The following BMPR1B variants were observed in gnomAD, a reference collection of about 807,000 sequenced individuals.
BMPR1B encodes bone morphogenetic protein receptor type-1B.
In BMPR1B, 12 loss-of-function variants were observed where a neutral mutation model predicts 59.1. The observed-to-expected ratio is 0.20, with a 90% CI of 0.13 to 0.33. The LOEUF is 0.33. Ranked by LOEUF, BMPR1B falls within the 10% of genes least tolerant of loss-of-function variation. BMPR1B has a pLI of 1.00. For missense variants in BMPR1B, 550 were observed against 610.9 expected (o/e 0.90, Z 1.05); for synonymous variants, 237 against 207.3 (o/e 1.14, Z -1.23).
intron 2 of BMPR1B, among the ~76,000 whole-genome samples, chr4:94,878,581 C>A (rs1726829724): frequency 6.6e-6 from 1 of 152,072 alleles, no homozygotes; most frequent in Admixed American, 6.6e-5. Flanking sequence ...GAAAACAGGC[C>A]CATTTCAAAG....
intron 2 of BMPR1B, among the ~76,000 whole-genome samples, chr4:94,933,220 AT>A (rs994228619): frequency 6.6e-5 from 10 of 151,900 alleles, no homozygotes; most frequent in African/African-American, 2.4e-4. Context: ...TAATCTAGGG[AT>A]TTTATGTCCT....
chr4:95,068,287 C>G (rs1579022918), intron 3 of BMPR1B, among the ~76,000 whole-genome samples: 1 of 152,132 alleles, frequency 6.6e-6, no homozygotes, highest in Admixed American at 6.5e-5. Context: ...TAAGACAAAA[C>G]TATATTATGC....
At chr4:95,012,467 T>G (rs1723292097) in intron 3 of BMPR1B, among the ~76,000 whole-genome samples, 1 of 152,208 alleles carries the variant, frequency 6.6e-6, no homozygotes, top group South Asian at 2.1e-4. Flanking sequence ...TATTTCAATA[T>G]GTTGTAATTA....
At chr4:95,026,103 T>TTTCTTTCCTTCTTTCTTTCG in intron 3 of BMPR1B, among the ~76,000 whole-genome samples, 1 of 124,698 alleles carries the variant, frequency 8.0e-6, no homozygotes, top group Non-Finnish European at 1.7e-5. Context: ...CTTTCATTTC[T>TTTCTTTCCTTCTTTCTTTCG]TTCTTTCTTT....
At chr4:94,772,085 C>G (rs1023143282) in intron 1 of BMPR1B, among the ~76,000 whole-genome samples, 1 of 152,192 alleles carries the variant, frequency 6.6e-6, no homozygotes, top group Non-Finnish European at 1.5e-5. Context: ...AGGTCATCAT[C>G]TGTAATAGAG....
At chr4:94,902,247 CACAGAGAGAGAGAGAG>C (rs1158034751) in intron 2 of BMPR1B, among the ~76,000 whole-genome samples, 79 of 84,766 alleles carry the variant, frequency 9.3e-4, no homozygotes, top group Non-Finnish European at 1.3e-3. Context: ...CACACACACA[CACAGAGAGAGAGAGAG>C]AGAGAGAGAG....
At chr4:94,873,556 G>A (rs1247038965) in intron 1 of BMPR1B, among the ~76,000 whole-genome samples, 4 of 151,876 alleles carry the variant, frequency 2.6e-5, no homozygotes, top group East Asian at 1.9e-4. Context: ...ACAGGCGTGC[G>A]CCACCATGCC....
intron 1 of BMPR1B, among the ~76,000 whole-genome samples, chr4:94,760,199 T>G (rs1721706459): frequency 6.6e-6 from 1 of 152,210 alleles, no homozygotes; most frequent in African/African-American, 2.4e-5. Context: ...TTATAGGGGC[T>G]TTGCCACCTT....
At chr4:95,144,960 T>C (rs1032845675) in intron 10 of BMPR1B, among the ~76,000 whole-genome samples, 1 of 152,200 alleles carries the variant, frequency 6.6e-6, no homozygotes, top group Non-Finnish European at 1.5e-5. Flanking sequence ...ATCCTTGAAA[T>C]GTACATTTTC....
At chr4:94,793,221 T>C (rs1173414518) in intron 1 of BMPR1B, among the ~76,000 whole-genome samples, 1 of 150,678 alleles carries the variant, frequency 6.6e-6, no homozygotes, top group Non-Finnish European at 1.5e-5. Context: ...CCTGTGTCCA[T>C]GTGATCTCAT....
intron 1 of BMPR1B, among the ~76,000 whole-genome samples, chr4:94,802,255 C>T (rs540821717): frequency 3.3e-5 from 5 of 152,218 alleles, no homozygotes; most frequent in African/African-American, 4.8e-5. Context: ...AGGAGTCTGG[C>T]GTAGGGCTGT....
chr4:95,100,131 A>G (rs567117152), intron 3 of BMPR1B, among the ~76,000 whole-genome samples: 1 of 152,080 alleles, frequency 6.6e-6, no homozygotes, highest in Non-Finnish European at 1.5e-5. Flanking sequence ...ATTATCTTGG[A>G]GGTAAGCTTC....
At chr4:94,922,392 C>T (rs1462472256) in intron 2 of BMPR1B, among the ~76,000 whole-genome samples, 1 of 151,964 alleles carries the variant, frequency 6.6e-6, no homozygotes, top group Non-Finnish European at 1.5e-5. Flanking sequence ...ATTGTGCTGT[C>T]AACACAATAG....
chr4:95,048,557 G>A (rs1726208540), intron 3 of BMPR1B, among the ~76,000 whole-genome samples: 1 of 152,070 alleles, frequency 6.6e-6, no homozygotes, highest in African/African-American at 2.4e-5. Flanking sequence ...TAGTGATGTT[G>A]AACATTCTTT....
chr4:94,913,766 A>C (rs1009694273), intron 2 of BMPR1B, among the ~76,000 whole-genome samples: 1 of 151,600 alleles, frequency 6.6e-6, no homozygotes, highest in African/African-American at 2.4e-5. Flanking sequence ...TCAGTGAAGC[A>C]TCATTCAATT....
intron 3 of BMPR1B, among the ~76,000 whole-genome samples, chr4:95,043,163 CAG>C (rs1725783372): frequency 1.9e-5 from 2 of 107,462 alleles, no homozygotes; most frequent in South Asian, 6.4e-4. Flanking sequence ...GCCTGGGCGA[CAG>C]AGCGAGACTC....
At chr4:95,079,457 T>TGAAATAATAC (rs59319316) in intron 3 of BMPR1B, among the ~76,000 whole-genome samples, 101,782 of 151,628 alleles carry the variant, frequency 0.67, 34,292 homozygotes, top group South Asian at 0.73. Flanking sequence ...ATGTAGAATG[T>TGAAATAATAC]CACAATTAAG....
intron 3 of BMPR1B, among the ~76,000 whole-genome samples, chr4:95,038,482 A>G (rs1256298413): frequency 6.6e-6 from 1 of 152,182 alleles, no homozygotes; most frequent in Admixed American, 6.6e-5. Context: ...GTGATCATCT[A>G]AAAACCAACA....
chr4:95,056,373 C>G (rs774534203), intron 3 of BMPR1B, among the ~76,000 whole-genome samples: 5 of 152,142 alleles, frequency 3.3e-5, no homozygotes, highest in African/African-American at 1.2e-4. Context: ...GATTACTCTG[C>G]TTGATACTAT....
Sources: allele counts gnomAD v4.1 joint callset (sites outside exome capture counted in the v4.1 genomes callset), GRCh38; gene constraint gnomAD v4.1.1; transcripts MANE v1.5; gene names NCBI Gene and HGNC (gene_info 2026-07-23, HGNC 2026-07-21).